The following RIN3 variants were observed in gnomAD, a reference collection of about 807,000 sequenced individuals.
RIN3 encodes the protein RAB5 interacting protein 3.
A neutral mutation model predicts 76.3 loss-of-function variants in RIN3; 54 were observed. The observed-to-expected ratio is 0.71, with a 90% CI of 0.57 to 0.89. The LOEUF (loss-of-function observed/expected upper bound fraction) is 0.89. Ranked by LOEUF, RIN3 falls within the 40% of genes least tolerant of loss-of-function variation. The pLI is 0.00. For missense variants in RIN3, 1,256 were observed against 1,322.1 expected (o/e 0.95, Z 0.78); for synonymous variants, 576 against 564.0 (o/e 1.02, Z -0.30).
chr14:92,606,521 G>A (rs1169832907), intron 3 of RIN3, among the ~76,000 whole-genome samples: 3 of 152,012 alleles, frequency 2.0e-5, no homozygotes, highest in Non-Finnish European at 4.4e-5. Context: ...TTCTAGTCTG[G>A]GTAACGGAGC....
At chr14:92,682,374 G>GT (rs1888698931) in intron 8 of RIN3, among the ~76,000 whole-genome samples, 1 of 152,168 alleles carries the variant, frequency 6.6e-6, no homozygotes, top group Non-Finnish European at 1.5e-5. Context: ...TGGGCTGCAC[G>GT]TAACTCACAA....
chr14:92,595,539 C>T (rs1879054912), intron 3 of RIN3, among the ~76,000 whole-genome samples: 1 of 152,146 alleles, frequency 6.6e-6, no homozygotes, highest in Admixed American at 6.5e-5. Context: ...CCCAGATTTG[C>T]TTTGCTCTGG....
chr14:92,544,765 T>A (rs1237458271), intron 1 of RIN3, among the ~76,000 whole-genome samples: 1 of 152,116 alleles, frequency 6.6e-6, no homozygotes, highest in South Asian at 2.1e-4. Context: ...AACATTGCAA[T>A]GCCCTATGCA....
At chr14:92,515,305 A>C (rs186651963) in intron 1 of RIN3, 2 of 695,900 alleles carry the variant, frequency 2.9e-6, no homozygotes, top group Non-Finnish European at 5.2e-6. Context: ...GCCACACCCA[A>C]GATGGCAGGG....
chr14:92,521,186 CACCTATCCACCCATCG>C (rs1002185850), intron 1 of RIN3, among the ~76,000 whole-genome samples: 20 of 151,812 alleles, frequency 1.3e-4, no homozygotes, highest in African/African-American at 4.1e-4. Context: ...TCCATCCATC[CACCTATCCACCCATCG>C]ACCTATCCAC....
At chr14:92,557,159 C>G (rs1305514431) in intron 2 of RIN3, among the ~76,000 whole-genome samples, 3 of 152,242 alleles carry the variant, frequency 2.0e-5, no homozygotes, top group Non-Finnish European at 4.4e-5. Context: ...TGAGTACTTG[C>G]TTTGCTCCAG....
At chr14:92,630,366 C>CCACGA (rs1886531576) in intron 4 of RIN3, among the ~76,000 whole-genome samples, 1 of 152,088 alleles carries the variant, frequency 6.6e-6, no homozygotes, top group Non-Finnish European at 1.5e-5. Flanking sequence ...GTGGCACATG[C>CCACGA]CTGTAATCCC....
chr14:92,608,917 G>T (rs947619375), intron 3 of RIN3, among the ~76,000 whole-genome samples: 4 of 151,976 alleles, frequency 2.6e-5, no homozygotes, highest in African/African-American at 9.7e-5. Context: ...TAATTTGGGG[G>T]TACAAGTGGG....
chr14:92,685,086 C>G lies in RIN3; in HGVS notation c.2567C>G (p.Ser856Cys), dbSNP rs765229322. Residue 856 changes from serine (S) to cysteine (C), a missense_variant, in exon 9 of 10, where the codon TCC becomes TGC. Physicochemically the swap from Ser to Cys is moderately radical, Grantham distance 112. Transcript: ENST00000216487. This position sits in a 1 kb window ranked among gnomAD's most constrained non-coding sequence, Gnocchi z 4.7. ...TRQLSVEVQD[S>C]IHRWERRRTL... ...CAGCTGAGTGTGGAGGTGCAGGACT[C>G]CATCCACCGCTGGGAGCGCCGGCGT... 6.2e-7 allele frequency: 1 copy of G among 1,613,804 alleles called. No homozygotes were observed. Among genetic ancestry groups the G allele is most frequent in the Non-Finnish European group, 8.5e-7 (1 of 1,179,930 alleles).
intron 7 of RIN3, among the ~76,000 whole-genome samples, chr14:92,662,808 G>A (rs911768809): frequency 2.6e-5 from 4 of 151,180 alleles, no homozygotes; most frequent in Non-Finnish European, 1.5e-5. Flanking sequence ...AAAACCCCAT[G>A]ACTGAGCAGC....
At chr14:92,597,681 T>G (rs909336739) in intron 3 of RIN3, among the ~76,000 whole-genome samples, 3 of 152,210 alleles carry the variant, frequency 2.0e-5, no homozygotes, top group African/African-American at 7.2e-5. Context: ...TCTCCTGGGC[T>G]TCCTCAGAAT....
intron 7 of RIN3, among the ~76,000 whole-genome samples, chr14:92,664,357 TTTCTTTC>T (rs1887993557): frequency 2.0e-5 from 2 of 101,684 alleles, no homozygotes; most frequent in Non-Finnish European, 4.4e-5. Context: ...ATTTTCTTTC[TTTCTTTC>T]TTTTTTTTTT....
chr14:92,674,908 G>C (rs1156970851), intron 7 of RIN3, among the ~76,000 whole-genome samples: 2 of 136,134 alleles, frequency 1.5e-5, no homozygotes, highest in East Asian at 4.2e-4. Context: ...AAAAAAAAGG[G>C]AAAAGAAAGT....
At position 92,596,625 on chromosome 14, in the gene RIN3, G is replaced by A. The variant is rs574244214; in HGVS notation, c.368-18782G>A. Among the ~76,000 whole-genome samples the A allele has an allele frequency of 6.6e-5, 10 of 152,290 alleles. No homozygotes were observed. In the East Asian group the frequency reaches 1.5e-3, roughly 23 times the overall value. ...TTGTATCTTATCCGTTCCTCTTTTA[G>A]CAGGGGATTTATTTAACAAAGAACA... On this transcript the variant is annotated intron_variant, in intron 3 of 9. Coordinates refer to ENST00000216487, the MANE Select transcript of RIN3 (RefSeq NM_024832.5).
At chr14:92,618,190 A>G (rs567081202) in intron 4 of RIN3, among the ~76,000 whole-genome samples, 3 of 152,324 alleles carry the variant, frequency 2.0e-5, no homozygotes, top group Non-Finnish European at 4.4e-5. Flanking sequence ...TGCACGAATA[A>G]AAGTACACCC....
At chr14:92,537,045 G>T (rs755432140) in intron 1 of RIN3, among the ~76,000 whole-genome samples, 9 of 152,056 alleles carry the variant, frequency 5.9e-5, no homozygotes, top group Non-Finnish European at 1.3e-4. Flanking sequence ...CAGTGAAGAA[G>T]TTTTCCCACC....
At chr14:92,676,669 C>T (rs1466008204) in intron 8 of RIN3, 63 bp downstream of exon 8, 1 of 1,570,002 alleles carries the variant, frequency 6.4e-7, no homozygotes, top group Non-Finnish European at 8.7e-7. Context: ...ACGCCACGGG[C>T]ACTCTAGGTG....
At chr14:92,683,640 T>C (rs1478121667) in intron 8 of RIN3, among the ~76,000 whole-genome samples, 1 of 152,062 alleles carries the variant, frequency 6.6e-6, no homozygotes, top group East Asian at 1.9e-4. Flanking sequence ...ATGGGCAACA[T>C]AGCTAGACCC....
At chr14:92,526,742 ACT>A (rs1009372235) in intron 1 of RIN3, among the ~76,000 whole-genome samples, 4 of 152,070 alleles carry the variant, frequency 2.6e-5, no homozygotes, top group Admixed American at 2.0e-4. Flanking sequence ...ACAGAGCAAG[ACT>A]CTGTCTCATA....
Sources: allele counts gnomAD v4.1 joint callset (sites outside exome capture counted in the v4.1 genomes callset), GRCh38; gene constraint gnomAD v4.1.1; non-coding constraint Gnocchi (gnomAD v3.1); transcripts MANE v1.5; gene names NCBI Gene and HGNC (gene_info 2026-07-23, HGNC 2026-07-21).